HAT1: variants seen among roughly 807,000 people sequenced by gnomAD.
HAT1 encodes histone acetyltransferase type B catalytic subunit.
Under a neutral mutation model 56.6 loss-of-function variants are expected in HAT1, and 20 were observed. The ratio of observed to expected loss-of-function variants is 0.35; its 90% CI spans 0.25 to 0.51. HAT1 has a LOEUF of 0.51. HAT1 is among the 20% of genes least tolerant of loss of function. The probability of loss-of-function intolerance (pLI) is 0.95; values close to 1 mark genes in which losing one functional copy is unlikely to be tolerated. For missense variants in HAT1, 408 were observed against 504.3 expected, an observed-to-expected ratio of 0.81 and a Z score of 1.83; for synonymous variants, 146 against 165.5, an observed-to-expected ratio of 0.88 and a Z score of 0.91.
In HAT1 at chr2:171,980,797, A is replaced by T. The variant is rs1688111838; in HGVS notation, c.1092+1434A>T. On this transcript the variant is annotated intron_variant, in intron 10 of 10. Transcript: ENST00000264108. ...CTTGAACTCGGGAGGCAGAGGTTGC[A>T]GTGAGCTGAGATCATACCACTGCAA... 5 of 149,484 alleles carry T rather than the reference A, an allele frequency of 3.3e-5. No homozygotes were observed. The South Asian group carries it at 1.1e-3, about 32-fold the overall frequency. The allele number at this position is 149,484 out of a possible 1,614,324, so 9.3% of individuals were successfully genotyped here. A position where few individuals can be genotyped will look rare whatever the true frequency, so the allele number is the denominator to read the frequency against.
At chr2:171,977,319 G>A (rs1687991719) in intron 9 of HAT1, among the ~76,000 whole-genome samples, 1 of 149,896 alleles carries the variant, frequency 6.7e-6, no homozygotes, top group African/African-American at 2.4e-5. Flanking sequence ...AAAATTAGCT[G>A]GGCGTGGTGG....
chr2:171,940,440 C>T (rs1014144765), intron 2 of HAT1, among the ~76,000 whole-genome samples: 1 of 152,120 alleles, frequency 6.6e-6, no homozygotes, highest in African/African-American at 2.4e-5. Context: ...GAGGAACACG[C>T]GCCACCTTTT....
At chr2:171,933,375 A>T (rs1686791615) in intron 2 of HAT1, among the ~76,000 whole-genome samples, 1 of 152,032 alleles carries the variant, frequency 6.6e-6, no homozygotes, top group Admixed American at 6.6e-5. Flanking sequence ...GCTTTTTTTA[A>T]GATCTTTCTT....
intron 2 of HAT1, among the ~76,000 whole-genome samples, chr2:171,937,037 C>T (rs1196331510): frequency 6.6e-6 from 1 of 151,272 alleles, no homozygotes; most frequent in Non-Finnish European, 1.5e-5. Flanking sequence ...TCATTGCAAC[C>T]TCTGCCTCCC....
intron 2 of HAT1, among the ~76,000 whole-genome samples, chr2:171,929,034 C>G (rs1047605454): frequency 5.3e-5 from 8 of 152,124 alleles, no homozygotes; most frequent in African/African-American, 1.9e-4. Context: ...TTCCAAAGTA[C>G]TTTTATACTC....
At chr2:171,977,557 ATTTTTTTTTTTTT>A (rs1172067451) in intron 9 of HAT1, among the ~76,000 whole-genome samples, 9 of 16,350 alleles carry the variant, frequency 5.5e-4, no homozygotes, top group African/African-American at 1.7e-3. Context: ...ATATATATAT[ATTTTTTTTTTTTT>A]TTTTTTTTTA....
At chr2:171,925,850 T>C (rs530428595) in intron 2 of HAT1, among the ~76,000 whole-genome samples, 1 of 152,030 alleles carries the variant, frequency 6.6e-6, no homozygotes, top group African/African-American at 2.4e-5. Context: ...GAATTTTATA[T>C]AAAAAGGAAA....
chr2:171,925,129 G>A lies in HAT1; in HGVS notation c.8-408G>A, dbSNP rs1377319827. Among the ~76,000 whole-genome samples, 3 of 138,958 alleles carry A rather than the reference G, an allele frequency of 2.2e-5. 1 individual carries two copies. The highest frequency in any genetic ancestry group is 4.5e-5 in the Non-Finnish European group (3 of 66,160). 91.2% of individuals were successfully genotyped at this position (138,958 alleles called of 152,430 possible). ...GCTCTGTCGCCCAGGCTAGAGGGCA[G>A]TGGCATGATCTCGGCTCACTGCACC... On this transcript the variant is annotated intron_variant, in intron 1 of 10. Transcript: ENST00000264108.
chr2:171,976,428 A>T, intron 9 of HAT1, 120 bp downstream of exon 9: 1 of 489,384 alleles, frequency 2.0e-6, no homozygotes, highest in Admixed American at 4.3e-5. Flanking sequence ...AGCAATGGTT[A>T]ACAGTACAGC....
At chr2:171,972,883 G>T (rs1234378607) in intron 8 of HAT1, among the ~76,000 whole-genome samples, 3 of 152,174 alleles carry the variant, frequency 2.0e-5, no homozygotes, top group African/African-American at 7.2e-5. Flanking sequence ...GCAATTTCAT[G>T]TAATGCTCTT....
intron 8 of HAT1, among the ~76,000 whole-genome samples, chr2:171,969,448 G>A (rs1016821900): frequency 6.6e-6 from 1 of 151,248 alleles, no homozygotes; most frequent in African/African-American, 2.4e-5. Flanking sequence ...TTAAAAAAAC[G>A]ATTGCTAGAT....
At chr2:171,957,486 G>A (rs1370474963) in intron 4 of HAT1, among the ~76,000 whole-genome samples, 1 of 152,180 alleles carries the variant, frequency 6.6e-6, no homozygotes, top group East Asian at 1.9e-4. Flanking sequence ...TAGATGGAGA[G>A]GAATTTTGCC....
At chr2:171,941,562 C>T (rs1687019354) in intron 2 of HAT1, among the ~76,000 whole-genome samples, 1 of 152,198 alleles carries the variant, frequency 6.6e-6, no homozygotes. Context: ...AGCTCCACCT[C>T]AGATCATCAG....
At chr2:171,969,800 T>C (rs1687769950) in intron 8 of HAT1, among the ~76,000 whole-genome samples, 1 of 152,172 alleles carries the variant, frequency 6.6e-6, no homozygotes, top group Non-Finnish European at 1.5e-5. Context: ...TTCTCAACTG[T>C]AACTCATTTT....
intron 8 of HAT1, among the ~76,000 whole-genome samples, chr2:171,975,160 A>G (rs1181747500): frequency 6.7e-6 from 1 of 148,846 alleles, no homozygotes; most frequent in Non-Finnish European, 1.5e-5. Flanking sequence ...GCAGGAGTGC[A>G]GTGGTACCAC....
In HAT1 at chr2:171,925,551, G is replaced by C. The variant is rs757570972; in HGVS notation, c.22G>C (p.Glu8Gln). The C allele has an allele frequency of 1.3e-6, 2 of 1,522,164 alleles. No individual in the cohort carries two copies. Among genetic ancestry groups the C allele is most frequent in the Non-Finnish European group, 1.8e-6 (2 of 1,096,564 alleles). 94.3% of individuals were successfully genotyped at this position (1,522,164 alleles called of 1,614,324 possible). Residue 8 changes from glutamate (E) to glutamine (Q), a missense_variant, in exon 2 of 11, where the codon GAG (glutamate) becomes CAG (glutamine). By Grantham distance (29) the Glu-to-Gln change is conservative (BLOSUM62 2). Coordinates refer to ENST00000264108, the MANE Select transcript of HAT1 (RefSeq NM_003642.4). MAGFGAM[E>Q]KFLVEYKSAV... ...TTTTCTCTTAGGATTTGGTGCTATG[G>C]AGAAATTTTTGGTAGAATATAAGAG...
At chr2:171,937,375 TA>T (rs1686897050) in intron 2 of HAT1, among the ~76,000 whole-genome samples, 1 of 152,112 alleles carries the variant, frequency 6.6e-6, no homozygotes, top group African/African-American at 2.4e-5. Flanking sequence ...TTTGTGCCTA[TA>T]AAAAGGTGGT....
intron 4 of HAT1, among the ~76,000 whole-genome samples, chr2:171,963,276 TA>T (rs1687615150): frequency 6.6e-6 from 1 of 151,420 alleles, no homozygotes; most frequent in South Asian, 2.1e-4. Context: ...CTTTGCCCCG[TA>T]AAAATTCTTA....
intron 10 of HAT1, chr2:171,980,169 T>C (rs1316533141): frequency 6.6e-6 from 1 of 152,184 alleles, no homozygotes; most frequent in Non-Finnish European, 1.5e-5. Context: ...TTAGCTTTTC[T>C]TTCATTTGTA....
Sources: allele counts gnomAD v4.1 joint callset (sites outside exome capture counted in the v4.1 genomes callset), GRCh38; gene constraint gnomAD v4.1.1; transcripts MANE v1.5; gene names NCBI Gene and HGNC (gene_info 2026-07-23, HGNC 2026-07-21).